Variants in AKAP13 observed in about 807,000 individuals in gnomAD.
AKAP13 encodes the protein A-kinase anchor protein 13.
A neutral mutation model predicts 264.5 loss-of-function variants in AKAP13; 80 were observed. The observed-to-expected ratio is 0.30, with a 90% CI of 0.25 to 0.36. AKAP13 has a LOEUF of 0.36. Among genes scored for constraint, AKAP13 ranks in the 10% least tolerant of loss-of-function variants. AKAP13 has a pLI of 1.00. For synonymous variants in AKAP13, 1,380 were observed against 1,250.2 expected (o/e 1.10, Z -2.19); for missense variants, 3,712 against 3,435.2 (o/e 1.08, Z -2.01).
intron 1 of AKAP13, among the ~76,000 whole-genome samples, chr15:85,387,749 T>C (rs1031907475): frequency 6.6e-6 from 1 of 152,228 alleles, no homozygotes; most frequent in African/African-American, 2.4e-5. Flanking sequence ...TAGTGTTTTG[T>C]AGTTTTTAGC....
chr15:85,538,902 C>G (rs1045784730), intron 4 of AKAP13, among the ~76,000 whole-genome samples: 6 of 150,968 alleles, frequency 4.0e-5, no homozygotes, highest in African/African-American at 1.5e-4. Flanking sequence ...GCGATCTCAG[C>G]TCACTGCAAG....
chr15:85,689,901 C>T (rs1160298726), intron 16 of AKAP13: 1 of 152,266 alleles, frequency 6.6e-6, no homozygotes, highest in Non-Finnish European at 1.5e-5. Flanking sequence ...TCCCTCCTTC[C>T]CTTTCTCAGC....
chr15:85,394,998 A>C (rs1049791003), intron 1 of AKAP13, among the ~76,000 whole-genome samples: 7 of 152,192 alleles, frequency 4.6e-5, no homozygotes. Context: ...TTTCTAATAC[A>C]GTACAGTAAA....
chr15:85,666,824 A>C (rs2083631230), intron 13 of AKAP13, among the ~76,000 whole-genome samples: 1 of 152,184 alleles, frequency 6.6e-6, no homozygotes, highest in African/African-American at 2.4e-5. Flanking sequence ...AATCAAAGTG[A>C]CTTCTTAGTT....
chr15:85,582,850 T>C, intron 7 of AKAP13: 2 of 985,270 alleles, frequency 2.0e-6, no homozygotes, highest in Non-Finnish European at 2.4e-6. Context: ...TGAGCTGCTG[T>C]CACAGGGCAG....
In AKAP13 at chr15:85,461,605, T is replaced by TG. The variant is rs750590548; in HGVS notation, c.-11-24104dup. On this transcript the variant is annotated intron_variant, in intron 1 of 36. Coordinates refer to ENST00000394518, the MANE Select transcript of AKAP13 (RefSeq NM_007200.5). ...TACTGTTTTCACTTTTTAAATGGTG[T>TG]GTTTTTTTTTGTTGTTGTTGTTGGG... is the stretch of plus-strand genomic sequence containing the variant. 1.3e-3 allele frequency among the ~76,000 whole-genome samples: 167 copies of TG among 132,102 alleles called. 1 individual carries two copies. The highest frequency in any genetic ancestry group is 3.9e-3 in the Middle Eastern group (1 of 258). 86.7% of individuals were successfully genotyped at this position (132,102 alleles called of 152,430 possible). A position where few individuals can be genotyped will look rare whatever the true frequency, so the allele number is the denominator to read the frequency against.
chr15:85,541,869 A>C (rs1056466959), intron 4 of AKAP13, among the ~76,000 whole-genome samples: 1 of 152,228 alleles, frequency 6.6e-6, no homozygotes, highest in Admixed American at 6.5e-5. Flanking sequence ...ACTTTCAGAA[A>C]TTGAGAGAGG....
intron 12 of AKAP13, among the ~76,000 whole-genome samples, chr15:85,662,619 G>A (rs338543): frequency 0.63 from 95,549 of 152,064 alleles, 30,135 homozygotes; most frequent in Middle Eastern, 0.71. Context: ...CACTAACTCA[G>A]CTGAAGGGAT....
chr15:85,712,069 A>G (rs922542291), intron 19 of AKAP13, among the ~76,000 whole-genome samples: 6 of 152,148 alleles, frequency 3.9e-5, no homozygotes, highest in Non-Finnish European at 8.8e-5. Context: ...CCTGGCCTCA[A>G]GCAGTCCTCA....
At chr15:85,440,783 T>C (rs1000402846) in intron 1 of AKAP13, among the ~76,000 whole-genome samples, 6 of 152,210 alleles carry the variant, frequency 3.9e-5, no homozygotes, top group Non-Finnish European at 5.9e-5. Flanking sequence ...AGTTTACTTC[T>C]GCCTCTTTTT....
intron 2 of AKAP13, among the ~76,000 whole-genome samples, chr15:85,504,503 C>CAAAAAAAAAAAAAAAAAAAAAAAAAAAA (rs566579814): frequency 2.9e-4 from 26 of 91,040 alleles, no homozygotes; most frequent in African/African-American, 6.1e-4. Context: ...CCTGTCTTTA[C>CAAAAAAAAAAAAAAAAAAAAAAAAAAAA]AAAAAAAAAA....
At chr15:85,577,644 C>A in intron 6 of AKAP13, 1 of 240,560 alleles carries the variant, frequency 4.2e-6, no homozygotes, top group Non-Finnish European at 6.7e-6. Context: ...TTTTTAAATA[C>A]TTTAAAGTTG....
intron 8 of AKAP13, among the ~76,000 whole-genome samples, chr15:85,604,838 C>G (rs190488952): frequency 6.0e-4 from 91 of 152,244 alleles, no homozygotes; most frequent in Admixed American, 3.0e-3. Context: ...CAGGAAAACC[C>G]TACTTATATG....
At chr15:85,573,246 A>G (rs1390764116) in intron 5 of AKAP13, among the ~76,000 whole-genome samples, 2 of 152,182 alleles carry the variant, frequency 1.3e-5, no homozygotes, top group African/African-American at 2.4e-5. Flanking sequence ...TCTCAGGGAT[A>G]CTTTACCAAT....
intron 36 of AKAP13, 74 bp from the exon 37 acceptor site, chr15:85,744,554 T>C: frequency 6.6e-7 from 1 of 1,516,642 alleles, no homozygotes; most frequent in Non-Finnish European, 9.2e-7. Flanking sequence ...CAGAAGACTT[T>C]GGGATGGGGA....
chr15:85,390,737 G>C (rs944619748), intron 1 of AKAP13, among the ~76,000 whole-genome samples: 4 of 152,146 alleles, frequency 2.6e-5, no homozygotes, highest in Non-Finnish European at 5.9e-5. Context: ...ATCCATATAC[G>C]CTGAAAATAG....
At chr15:85,463,297 A>C (rs1301093925) in intron 1 of AKAP13, among the ~76,000 whole-genome samples, 1 of 152,234 alleles carries the variant, frequency 6.6e-6, no homozygotes, top group Non-Finnish European at 1.5e-5. Flanking sequence ...AACATTTTAT[A>C]AATTTAATGT....
chr15:85,576,377 T>C (rs1430424662), intron 6 of AKAP13, among the ~76,000 whole-genome samples: 2 of 152,048 alleles, frequency 1.3e-5, no homozygotes, highest in Non-Finnish European at 2.9e-5. Flanking sequence ...AGTTGTATGG[T>C]ACAAAGATAG....
At chr15:85,420,398 C>T (rs1034858167) in intron 1 of AKAP13, among the ~76,000 whole-genome samples, 1 of 152,096 alleles carries the variant, frequency 6.6e-6, no homozygotes, top group Non-Finnish European at 1.5e-5. Flanking sequence ...CTTCCCTAGC[C>T]CAGTCTGTTC....
Sources: gnomAD v4.1 joint callset for allele counts (sites outside exome capture counted in the v4.1 genomes callset) on GRCh38, gnomAD v4.1.1 for gene constraint, MANE v1.5 for transcripts, NCBI Gene and HGNC (gene_info 2026-07-23, HGNC 2026-07-21) for gene names.